AKR1C3: variants seen among roughly 807,000 people sequenced by gnomAD.
The protein encoded by AKR1C3 is aldo-keto reductase family 1 member C3.
Under a neutral mutation model 43.6 loss-of-function variants are expected in AKR1C3, and 48 were observed. That is an observed-to-expected ratio of 1.10 (90% CI 0.87 to 1.40). The LOEUF (loss-of-function observed/expected upper bound fraction) is 1.40. AKR1C3 is among the 40% of genes most tolerant of loss of function. AKR1C3 has a pLI of 0.00. For synonymous variants in AKR1C3, 162 were observed against 139.6 expected (o/e 1.16, Z -1.13); for missense variants, 482 against 391.2 (o/e 1.23, Z -1.96).
At chr10:5,107,211 A>G (rs1283548874) in intron 8 of AKR1C3, among the ~76,000 whole-genome samples, 1 of 152,212 alleles carries the variant, frequency 6.6e-6, no homozygotes, top group African/African-American at 2.4e-5. Context: ...ACAGATGTAC[A>G]GGAATATACT....
chr10:5,078,261 G>A (rs1228633000), intron 1 of AKR1C3, among the ~76,000 whole-genome samples: 1 of 152,126 alleles, frequency 6.6e-6, no homozygotes, highest in African/African-American at 2.4e-5. Context: ...AGTGAATGGT[G>A]GTGAAACCTC....
chr10:5,094,481 G>T lies in AKR1C3; in HGVS notation c.37G>T (p.Gly13Cys). 6.2e-7 allele frequency: 1 copy of T among 1,612,708 alleles called. No homozygotes were observed. The highest frequency in any genetic ancestry group is 8.5e-7 in the Non-Finnish European group (1 of 1,178,960). Residue 13 changes from glycine to cysteine, a missense_variant, in exon 1 of 9, where the codon GGC (glycine) becomes TGC (cysteine). Physicochemically the swap from Gly to Cys is radical, Grantham distance 159 (BLOSUM62 -3). Coordinates refer to ENST00000380554, the MANE Select transcript of AKR1C3 (RefSeq NM_003739.6). ...SKHQCVKLNDGHFMPVLGFGT... is the reference protein window; with the variant it reads ...SKHQCVKLNDCHFMPVLGFGT... ...ACACCAGTGTGTAAAGCTAAATGAT[G>T]GCCACTTCATGCCTGTATTGGGATT...
Position 5,094,524 on chromosome 10 carries a change from CAGAGGTA to C in AKR1C3, c.84_84+6del, listed in dbSNP as rs782352636. The C allele has an allele frequency of 1.9e-6, 3 of 1,612,468 alleles. No homozygotes were observed. The East Asian group carries it at 6.7e-5, about 36-fold the overall frequency. Reference sequence around the variant, plus strand: ...TTGGGATTTGGCACCTATGCACCTCCAGAGGTAAGAATAATTCCTTTTAGTTTTCGGA... The same window carrying C: ...TTGGGATTTGGCACCTATGCACCTCCAGAATAATTCCTTTTAGTTTTCGGA... On this transcript the variant is annotated splice_donor_variant and splice_donor_region_variant and coding_sequence_variant and intron_variant, in exon 1 of 9. Coordinates refer to ENST00000380554, the MANE Select transcript of AKR1C3 (RefSeq NM_003739.6). LOFTEE classifies it high-confidence loss of function.
rs782651361 is a variant in AKR1C3, at chr10:5,107,549, T to G, written c.*46T>G. 5 of 1,474,130 alleles carry G rather than the reference T, an allele frequency of 3.4e-6. No individual in the cohort carries two copies. Among genetic ancestry groups the G allele is most frequent in the Non-Finnish European group, 4.7e-6 (5 of 1,056,408 alleles). The allele number at this position is 1,474,130 out of a possible 1,614,324, so 91.3% of individuals were successfully genotyped here. A position where few individuals can be genotyped will look rare whatever the true frequency, so the allele number is the denominator to read the frequency against. On this transcript the variant is annotated 3_prime_UTR_variant, in exon 9 of 9. Coordinates refer to ENST00000380554, the MANE Select transcript of AKR1C3 (RefSeq NM_003739.6). Reference sequence around the variant, plus strand: ...GTCTACCAGAAGCCCTGTGTGTGGATGGTGACGCAGAGGACGTCTCTATGC... The same window carrying G: ...GTCTACCAGAAGCCCTGTGTGTGGAGGGTGACGCAGAGGACGTCTCTATGC...
At chr10:5,075,048 G>A (rs1488252365) in intron 1 of AKR1C3, among the ~76,000 whole-genome samples, 1 of 152,034 alleles carries the variant, frequency 6.6e-6, no homozygotes, top group Non-Finnish European at 1.5e-5. Flanking sequence ...CCTCAACTTT[G>A]GCAAATAAAT....
chr10:5,070,171 C>G lies in AKR1C3; in HGVS notation c.84+21276C>G, dbSNP rs545736848. On this transcript the variant is annotated intron_variant, in intron 1 of 8. Transcript: ENST00000439082. ...TTCTCTGTGTTTAGGCACTGCCCACCAAGGAGAGATTCCCCTGTATGAAAC... is the reference window on the plus strand; with the variant it reads ...TTCTCTGTGTTTAGGCACTGCCCACGAAGGAGAGATTCCCCTGTATGAAAC... 2.0e-5 allele frequency among the ~76,000 whole-genome samples: 3 copies of G among 152,302 alleles called. No individual in the cohort carries two copies. The East Asian group carries it at 5.8e-4, about 29-fold the overall frequency.
intron 7 of AKR1C3, among the ~76,000 whole-genome samples, 183 bp downstream of exon 7, chr10:5,102,833 G>C (rs950330137): frequency 6.6e-6 from 1 of 152,268 alleles, no homozygotes; most frequent in South Asian, 2.1e-4. Context: ...CAGGTGCAGA[G>C]AATTAAGATG....
intron 1 of AKR1C3, among the ~76,000 whole-genome samples, chr10:5,072,517 A>G (rs1266021379): frequency 6.6e-6 from 1 of 152,210 alleles, no homozygotes; most frequent in Non-Finnish European, 1.5e-5. Flanking sequence ...TGAAAAGCTG[A>G]CTAAGCCTCT....
chr10:5,098,104 A>T, intron 3 of AKR1C3: 2 of 986,916 alleles, frequency 2.0e-6, no homozygotes. Context: ...ATAACTTTTG[A>T]TTTAAAGTTA....
At position 5,074,754 on chromosome 10, in the gene AKR1C3, C is replaced by A. The variant is rs371847070; in HGVS notation, c.85-21656C>A. On this transcript the variant is annotated intron_variant, in intron 1 of 8. Transcript: ENST00000439082. ...CTACCCACCTCCCCCATATTTTGTC[C>A]ACAAGGAAATTCCTGGTGAGCTGTT... 5.3e-5 allele frequency among the ~76,000 whole-genome samples: 8 copies of A among 152,260 alleles called. No individual in the cohort carries two copies. In the East Asian group the frequency reaches 1.2e-3, roughly 22 times the overall value.
At chr10:5,049,116 G>GA (rs1554778693) in intron 1 of AKR1C3, among the ~76,000 whole-genome samples, 1 of 151,642 alleles carries the variant, frequency 6.6e-6, no homozygotes, top group Non-Finnish European at 1.5e-5. Flanking sequence ...TTGGGGCACT[G>GA]TTTTTTTTCT....
intron 3 of AKR1C3, chr10:5,097,832 T>A (rs1839246175): frequency 8.5e-7 from 1 of 1,171,710 alleles, no homozygotes; most frequent in Non-Finnish European, 1.1e-6. Flanking sequence ...AGTTGTGGCT[T>A]TTGAGTCCAT....
upstream of AKR1C3, among the ~76,000 whole-genome samples, chr10:5,090,717 C>A (rs191129650): frequency 1.2e-3 from 181 of 152,174 alleles, 1 homozygote; most frequent in African/African-American, 4.1e-3. Flanking sequence ...CACATGCCAG[C>A]ATTGTTATAC....
At chr10:5,090,654 T>C (rs1205142066), upstream of AKR1C3, among the ~76,000 whole-genome samples, 1 of 152,106 alleles carries the variant, frequency 6.6e-6, no homozygotes, top group Non-Finnish European at 1.5e-5. Flanking sequence ...GTATCAGCTA[T>C]ATTGGTGTCA....
chr10:5,092,881 T>G (rs34819103), upstream of AKR1C3, among the ~76,000 whole-genome samples: 204 of 152,256 alleles, frequency 1.3e-3, no homozygotes, highest in African/African-American at 4.7e-3. Flanking sequence ...ATTATTTTAT[T>G]TGAGCATTTC....
chr10:5,076,351 GAGTT>G (rs778434674), intron 1 of AKR1C3, among the ~76,000 whole-genome samples: 4 of 152,136 alleles, frequency 2.6e-5, no homozygotes, highest in Non-Finnish European at 5.9e-5. Flanking sequence ...TATCTCAGGT[GAGTT>G]AGTTATCGGA....
At chr10:5,076,404 G>A (rs1049508360) in intron 1 of AKR1C3, among the ~76,000 whole-genome samples, 1 of 150,540 alleles carries the variant, frequency 6.6e-6, no homozygotes, top group Non-Finnish European at 1.5e-5. Context: ...TGTTCTCTCT[G>A]TCTCTCTCTC....
intron 1 of AKR1C3, among the ~76,000 whole-genome samples, chr10:5,064,921 C>CAAAAAAAA (rs35858845): frequency 1.4e-5 from 2 of 141,896 alleles, no homozygotes; most frequent in African/African-American, 5.3e-5. Context: ...ACAAAATAAG[C>CAAAAAAAA]AAAAAAAAAA....
intron 1 of AKR1C3, among the ~76,000 whole-genome samples, chr10:5,072,753 A>G (rs1397243058): frequency 6.6e-6 from 1 of 152,202 alleles, no homozygotes; most frequent in Non-Finnish European, 1.5e-5. Flanking sequence ...GAATGTTATA[A>G]AAAGAATGTT....
Sources: allele counts gnomAD v4.1 joint callset (sites outside exome capture counted in the v4.1 genomes callset), GRCh38; gene constraint gnomAD v4.1.1; transcripts MANE v1.5; gene names NCBI Gene and HGNC (gene_info 2026-07-23, HGNC 2026-07-21).